Variants in MAST2 observed in about 807,000 individuals in gnomAD.
MAST2 encodes the protein microtubule-associated serine/threonine-protein kinase 2.
In MAST2, 70 loss-of-function variants were observed where a neutral mutation model predicts 147.4. The ratio of observed to expected loss-of-function variants is 0.47; its 90% CI spans 0.39 to 0.58. MAST2 has a LOEUF of 0.58. Among genes scored for constraint, MAST2 ranks in the 20% least tolerant of loss-of-function variants. The pLI is 0.00. For missense variants in MAST2, 2,080 were observed against 2,302.3 expected, an observed-to-expected ratio of 0.90 and a Z score of 1.98; for synonymous variants, 869 against 896.8, an observed-to-expected ratio of 0.97 and a Z score of 0.55.
chr1:45,990,881 C>T (rs917753874), intron 5 of MAST2, among the ~76,000 whole-genome samples: 1 of 152,084 alleles, frequency 6.6e-6, no homozygotes, highest in Non-Finnish European at 1.5e-5. Flanking sequence ...AATTTTAATG[C>T]AGTCTAGCTT....
At chr1:45,879,274 C>T (rs1646738024) in intron 3 of MAST2, among the ~76,000 whole-genome samples, 1 of 152,046 alleles carries the variant, frequency 6.6e-6, no homozygotes, top group African/African-American at 2.4e-5. Flanking sequence ...AATTTTCACT[C>T]ATCAAAAGGC....
Position 46,023,396 on chromosome 1 carries a change from G to T in MAST2, c.1571+78G>T, listed in dbSNP as rs987507665. On this transcript the variant is annotated intron_variant, in intron 14 of 28. Transcript: ENST00000361297. The surrounding 1 kb of genome is among the most constrained non-coding windows in gnomAD (Gnocchi z 4.9). ...TCTCTTCCATGTGAGAGTGTATGCT[G>T]CCCAGTCCTCTGGGCAGATGCCTCG... The T allele has an allele frequency of 7.3e-7, 1 of 1,360,552 alleles. No individual in the cohort carries two copies. Among genetic ancestry groups the T allele is most frequent in the African/African-American group, 1.4e-5 (1 of 69,688 alleles). 84.3% of individuals were successfully genotyped at this position (1,360,552 alleles called of 1,614,324 possible). A position where few individuals can be genotyped will look rare whatever the true frequency, so the allele number is the denominator to read the frequency against.
chr1:46,033,883 A>G lies in MAST2; in HGVS notation c.3619A>G (p.Lys1207Glu), dbSNP rs998920617. 1.9e-6 allele frequency: 3 copies of G among 1,614,194 alleles called. No homozygotes were observed. In the African/African-American group the frequency reaches 4.0e-5, roughly 22 times the overall value. ...GGGGCCAGCTCGGAAGGGCAGCTAC[A>G]AGGCCAAGATGGCCCGAAGGAGCAA... is the stretch of plus-strand genomic sequence containing the variant. ...KVGPARKGSY[K>E]AKMARRSKRS... Residue 1207 changes from lysine to glutamate, a missense_variant, in exon 27 of 29, where the codon AAG becomes GAG. Transcript: ENST00000361297.
At chr1:46,002,668 C>A in intron 6 of MAST2, 137 bp from the exon 7 acceptor site, 1 of 711,850 alleles carries the variant, frequency 1.4e-6, no homozygotes, top group South Asian at 1.6e-5. Context: ...AAAGCATGTA[C>A]TGGACTGAGC....
chr1:45,987,777 ATTTTTTTTTTTTT>A, intron 5 of MAST2, among the ~76,000 whole-genome samples: 2 of 21,778 alleles, frequency 9.2e-5, no homozygotes, highest in African/African-American at 2.1e-4. Context: ...TTTTTTTTTG[ATTTTTTTTTTTTT>A]TTTTTTTTTT....
rs777498021 is a variant in MAST2, at chr1:45,860,201, T to TACACAC, written c.469-22137_469-22132dup. Among the ~76,000 whole-genome samples the TACACAC allele has an allele frequency of 4.6e-3, 662 of 144,112 alleles. 1 individual carries two copies. Among genetic ancestry groups the TACACAC allele is most frequent in the Non-Finnish European group, 5.9e-3 (387 of 65,990 alleles). The allele number at this position is 144,112 out of a possible 152,430, so 94.5% of individuals were successfully genotyped here. A position where few individuals can be genotyped will look rare whatever the true frequency, so the allele number is the denominator to read the frequency against. Reference sequence around the variant, plus strand: ...GGTAAACCCCTGTCTCTACTAAAAATACACACACACACACACACACACACA... The same window carrying TACACAC: ...GGTAAACCCCTGTCTCTACTAAAAATACACACACACACACACACACACACACACACA... On this transcript the variant is annotated intron_variant, in intron 3 of 28. Transcript: ENST00000361297.
intron 6 of MAST2, chr1:46,000,973 C>A: frequency 1.6e-6 from 2 of 1,289,606 alleles, no homozygotes; most frequent in Non-Finnish European, 2.0e-6. Flanking sequence ...AGCCACAGAG[C>A]TGACAGGTAA....
chr1:45,890,440 G>A (rs1421534804), intron 4 of MAST2, among the ~76,000 whole-genome samples: 2 of 152,194 alleles, frequency 1.3e-5, no homozygotes, highest in African/African-American at 2.4e-5. Context: ...CTTGCTGTGT[G>A]CTCACATGGC....
chr1:45,826,409 G>A (rs1014488512), intron 2 of MAST2, among the ~76,000 whole-genome samples: 6 of 152,132 alleles, frequency 3.9e-5, no homozygotes, highest in African/African-American at 9.7e-5. Flanking sequence ...CTGGAGTGCA[G>A]TGGTGTGATC....
intron 4 of MAST2, among the ~76,000 whole-genome samples, chr1:45,924,497 G>T (rs964685345): frequency 6.6e-6 from 1 of 152,098 alleles, no homozygotes; most frequent in African/African-American, 2.4e-5. Context: ...TAGGAGGGGG[G>T]ACTTCCAGGG....
chr1:45,899,420 A>G (rs1649370353), intron 4 of MAST2, among the ~76,000 whole-genome samples: 1 of 149,920 alleles, frequency 6.7e-6, no homozygotes, highest in African/African-American at 2.5e-5. Flanking sequence ...CAAATAGTGA[A>G]CATAATACTC....
At chr1:45,950,216 A>G (rs1658731225) in intron 4 of MAST2, among the ~76,000 whole-genome samples, 1 of 151,274 alleles carries the variant, frequency 6.6e-6, no homozygotes, top group Admixed American at 6.6e-5. Context: ...AACCTAAAAA[A>G]TAATAATAAT....
intron 1 of MAST2, among the ~76,000 whole-genome samples, chr1:45,818,683 C>T (rs1430793160): frequency 2.0e-5 from 3 of 152,188 alleles, no homozygotes; most frequent in Admixed American, 2.0e-4. Context: ...CACTACACTC[C>T]TCACCTTCAA....
At chr1:45,855,757 A>C (rs1346679492) in intron 3 of MAST2, among the ~76,000 whole-genome samples, 1 of 152,080 alleles carries the variant, frequency 6.6e-6, no homozygotes, top group East Asian at 1.9e-4. Context: ...TAGATTGAGC[A>C]TTTCTACATA....
intron 5 of MAST2, among the ~76,000 whole-genome samples, chr1:45,995,872 C>G (rs1014339507): frequency 1.3e-5 from 2 of 152,158 alleles, no homozygotes; most frequent in African/African-American, 4.8e-5. Flanking sequence ...TGCCATGGGC[C>G]TAGCCTTCAG....
At position 46,028,808 on chromosome 1, in the gene MAST2, T is replaced by G; in HGVS notation, c.2093T>G (p.Leu698Arg). 1 of 1,614,176 alleles carries G rather than the reference T, an allele frequency of 6.2e-7. No homozygotes were observed. Residue 698 changes from leucine to arginine, a missense_variant, in exon 18 of 29, where the codon CTG becomes CGG. Leu to Arg is a moderately radical substitution (Grantham distance 102). This residue lies in a region of MAST2 where 209 missense variants were observed against 309.5 expected (regional missense o/e 0.68). Transcript: ENST00000361297. ...TPEYIAPEVI[L>R]RQGYGKPVDW... ...GAATACATTGCGCCTGAGGTGATCC[T>G]GCGCCAGGGCTATGGGAAGCCAGTG...
At chr1:45,929,542 G>C (rs1296773603) in intron 4 of MAST2, among the ~76,000 whole-genome samples, 1 of 152,188 alleles carries the variant, frequency 6.6e-6, no homozygotes, top group South Asian at 2.1e-4. Context: ...GGGACTCTGA[G>C]AGGTGAGAAT....
intron 5 of MAST2, among the ~76,000 whole-genome samples, chr1:45,987,387 C>T (rs913174944): frequency 6.6e-6 from 1 of 152,102 alleles, no homozygotes; most frequent in Non-Finnish European, 1.5e-5. Context: ...AAATATGACT[C>T]ACTGAAGCTT....
chr1:45,932,584 A>T (rs1655484014), intron 4 of MAST2, among the ~76,000 whole-genome samples: 1 of 152,046 alleles, frequency 6.6e-6, no homozygotes, highest in South Asian at 2.1e-4. Context: ...GAGGCACGAG[A>T]ATCGCTTGAA....
Sources: gnomAD v4.1 joint callset for allele counts (sites outside exome capture counted in the v4.1 genomes callset) on GRCh38, gnomAD v4.1.1 for gene constraint, gnomAD v4.1.1 regional missense constraint, Gnocchi (gnomAD v3.1) non-coding constraint, MANE v1.5 for transcripts, NCBI Gene and HGNC (gene_info 2026-07-23, HGNC 2026-07-21) for gene names.